SPRY3: variants seen among roughly 807,000 people sequenced by gnomAD.
The protein encoded by SPRY3 is protein sprouty homolog 3.
In SPRY3, 15 loss-of-function variants were observed where a neutral mutation model predicts 20.2. The observed-to-expected ratio is 0.74, with a 90% CI of 0.50 to 1.14. The LOEUF is 1.14. Ranked by LOEUF, SPRY3 falls within the 50% of genes most tolerant of loss-of-function variation. The pLI is 0.00. For missense variants in SPRY3, 364 were observed against 363.9 expected, an observed-to-expected ratio of 1.00 and a Z score of 0.00; for synonymous variants, 143 against 136.5, an observed-to-expected ratio of 1.05 and a Z score of -0.33.
At chrX:155,729,494 T>C (rs1266491450) in intron 2 of SPRY3, among the ~76,000 whole-genome samples, 3 of 151,926 alleles carry the variant, frequency 2.0e-5, no homozygotes, top group African/African-American at 4.8e-5. Context: ...AGAAGAAAAT[T>C]TAAAAATTTC....
intron 2 of SPRY3, among the ~76,000 whole-genome samples, chrX:155,726,732 T>A (rs1472773979): frequency 6.6e-6 from 1 of 152,172 alleles, no homozygotes; most frequent in South Asian, 2.1e-4. Flanking sequence ...ATGATATGGG[T>A]CTCGTGAATA....
At chrX:155,739,429 C>A (rs191554151) in intron 2 of SPRY3, among the ~76,000 whole-genome samples, 1 of 152,194 alleles carries the variant, frequency 6.6e-6, no homozygotes, top group Non-Finnish European at 1.5e-5. Context: ...GAAGGATTCC[C>A]CCTAGTGCAG....
chrX:155,774,787 G>A (rs764193914), exon 4 of SPRY3: 3 of 1,561,550 alleles, frequency 1.9e-6, no homozygotes, highest in South Asian at 1.2e-5. Context: ...GTCCCCAACA[G>A]CAAAGCATAG....
At chrX:155,767,720 A>AAGAGGAGGAGGAGGAG (rs1277528812) in intron 2 of SPRY3, 5 of 64,522 alleles carry the variant, frequency 7.7e-5, no homozygotes, top group South Asian at 6.7e-4. Flanking sequence ...GAGGAGGAGA[A>AAGAGGAGGAGGAGGAG]AGAGGAGGAG....
intron 2 of SPRY3, among the ~76,000 whole-genome samples, chrX:155,761,412 A>G (rs2091303700): frequency 5.3e-5 from 8 of 152,268 alleles, no homozygotes; most frequent in African/African-American, 1.9e-4. Context: ...ATAGTATTCC[A>G]TGGTGTATAT....
rs6655070 is a variant in SPRY3, at chrX:155,758,219, A to G, written c.-281-9743A>G. Among the ~76,000 whole-genome samples, 1,325 of 152,280 alleles carry G rather than the reference A, an allele frequency of 8.7e-3. 19 individuals carry two copies. Among genetic ancestry groups the G allele is most frequent in the African/African-American group, 0.03 (1,237 of 41,548 alleles). On this transcript the variant is annotated intron_variant, in intron 2 of 3. Coordinates refer to ENST00000675360, the Ensembl canonical transcript of SPRY3. ...ATTCATTTCCGTATCTCACATATCA[A>G]GTATATTGCCTTACCTTAAGTATGT...
chrX:155,714,688 C>T (rs2091009555), intron 2 of SPRY3, among the ~76,000 whole-genome samples: 1 of 152,200 alleles, frequency 6.6e-6, no homozygotes, highest in South Asian at 2.1e-4. Context: ...AGGCCCCAGG[C>T]ATGTCTAGAG....
chrX:155,749,914 G>C, intron 2 of SPRY3, among the ~76,000 whole-genome samples: 1 of 151,698 alleles, frequency 6.6e-6, no homozygotes, highest in Non-Finnish European at 1.5e-5. Context: ...AGGAGGGATC[G>C]AGTCTATAGA....
chrX:155,657,334 G>A (rs1431681041), intron 2 of SPRY3, among the ~76,000 whole-genome samples: 1 of 111,995 alleles, frequency 8.9e-6, no homozygotes, highest in Admixed American at 9.4e-5. Flanking sequence ...GGAATCTAGA[G>A]AGGCAGTCTG....
chrX:155,758,294 G>T (rs1345575286), intron 2 of SPRY3, among the ~76,000 whole-genome samples: 2 of 152,076 alleles, frequency 1.3e-5, no homozygotes, highest in African/African-American at 4.8e-5. Context: ...CACAGATAAG[G>T]AAAATAGGGC....
At chrX:155,674,542 G>A (rs1445218936) in intron 2 of SPRY3, among the ~76,000 whole-genome samples, 1 of 110,912 alleles carries the variant, frequency 9.0e-6, no homozygotes, top group East Asian at 2.9e-4. Flanking sequence ...TCTCAGAACA[G>A]ACCACATTCT....
chrX:155,738,346 GT>G (rs902014314), intron 2 of SPRY3, among the ~76,000 whole-genome samples: 213 of 100,628 alleles, frequency 2.1e-3, no homozygotes, highest in Non-Finnish European at 3.4e-3. Context: ...GAACTCAACA[GT>G]AAAAAAAAAA....
intron 1 of SPRY3, among the ~76,000 whole-genome samples, chrX:155,632,266 C>T (rs1369986311): frequency 9.0e-6 from 1 of 110,655 alleles, no homozygotes; most frequent in East Asian, 2.8e-4. Context: ...CACTGTATCC[C>T]CCAAGATGGC....
chrX:155,616,132 T>TCTCTCTCTC (rs2067852115), intron 1 of SPRY3, among the ~76,000 whole-genome samples: 7 of 29,700 alleles, frequency 2.4e-4, no homozygotes, highest in African/African-American at 4.3e-4. Flanking sequence ...CTCTCTCTCC[T>TCTCTCTCTC]CTCTCTCTCT....
rs140661626 is a variant in SPRY3, at chrX:155,732,122, A to G, written c.-281-35840A>G. On this transcript the variant is annotated intron_variant, in intron 2 of 3. Transcript: ENST00000675360. ...TTTTGGCCGAAGATTCATTTGAAGAATCTGAGTTTTCCAAAATAGACGATT... is the reference window on the plus strand; with the variant it reads ...TTTTGGCCGAAGATTCATTTGAAGAGTCTGAGTTTTCCAAAATAGACGATT... Among the ~76,000 whole-genome samples, 758 of 152,206 alleles carry G rather than the reference A, an allele frequency of 5.0e-3. 6 individuals carry two copies. Among genetic ancestry groups the G allele is most frequent in the Non-Finnish European group, 7.8e-3 (530 of 67,954 alleles).
intron 2 of SPRY3, among the ~76,000 whole-genome samples, chrX:155,680,191 T>TGTGTGTGTGTG (rs2068070083): frequency 3.5e-4 from 29 of 83,615 alleles, no homozygotes; most frequent in East Asian, 1.4e-3. Context: ...TGTGTGTGTG[T>TGTGTGTGTGTG]TTGAGGGAGA....
At chrX:155,680,145 GGTGTGTGTGTGTGTGTGTGT>G (rs774435204) in intron 2 of SPRY3, among the ~76,000 whole-genome samples, 2 of 70,405 alleles carry the variant, frequency 2.8e-5, no homozygotes, top group African/African-American at 6.2e-5. Flanking sequence ...AAGCAATGCT[GGTGTGTGTGTGTGTGTGTGT>G]GTGTGTGTGT....
At chrX:155,667,821 C>G (rs1557354447) in intron 2 of SPRY3, among the ~76,000 whole-genome samples, 1 of 111,156 alleles carries the variant, frequency 9.0e-6, no homozygotes, top group Admixed American at 9.6e-5. Flanking sequence ...GCAGATATTT[C>G]ACAAAAGATG....
intron 1 of SPRY3, among the ~76,000 whole-genome samples, chrX:155,621,920 G>T (rs1557349487): frequency 1.8e-5 from 2 of 111,543 alleles, no homozygotes; most frequent in Non-Finnish European, 3.8e-5. Context: ...CCCCGACATG[G>T]GTTCCCTGCC....
Sources: allele counts gnomAD v4.1 joint callset (sites outside exome capture counted in the v4.1 genomes callset), GRCh38; gene constraint gnomAD v4.1.1; transcripts MANE v1.5; gene names NCBI Gene and HGNC (gene_info 2026-07-23, HGNC 2026-07-21).